Variants in EVI5 observed in about 807,000 individuals in gnomAD.
EVI5 encodes the protein ecotropic viral integration site 5, also known as ecotropic viral integration site 5 protein homolog.
In EVI5, 73 loss-of-function variants were observed where a neutral mutation model predicts 112.0. The ratio of observed to expected loss-of-function variants is 0.65; its 90% CI spans 0.54 to 0.79. EVI5 has a LOEUF of 0.79. Ranked by LOEUF, EVI5 falls within the 30% of genes least tolerant of loss-of-function variation. The pLI is 0.00. For synonymous variants in EVI5, 305 were observed against 319.9 expected (o/e 0.95, Z 0.50); for missense variants, 900 against 968.8 (o/e 0.93, Z 0.94).
intron 16 of EVI5, among the ~76,000 whole-genome samples, chr1:92,616,560 T>C (rs1200411558): frequency 6.6e-6 from 1 of 152,110 alleles, no homozygotes; most frequent in Non-Finnish European, 1.5e-5. Flanking sequence ...TCATTCCTAC[T>C]TAATTTATAC....
intron 18 of EVI5, among the ~76,000 whole-genome samples, chr1:92,599,958 GAC>G (rs1319746434): frequency 6.6e-6 from 1 of 152,152 alleles, no homozygotes; most frequent in Non-Finnish European, 1.5e-5. Flanking sequence ...GTTTTAGAGA[GAC>G]AGCTTTTTTA....
At chr1:92,600,597 T>G (rs1648949449) in intron 18 of EVI5, among the ~76,000 whole-genome samples, 1 of 152,130 alleles carries the variant, frequency 6.6e-6, no homozygotes, top group African/African-American at 2.4e-5. Flanking sequence ...GGAGAATGGT[T>G]TCAGGATGAA....
Position 92,524,084 on chromosome 1 carries a change from A to G in EVI5, c.2167-10114T>C, listed in dbSNP as rs577887853. ...TGCACTCCAGCCTGGGTGACAGAGC[A>G]AGACTCCATCTAAAAAAAAATAAAA... On this transcript the variant is annotated intron_variant, in intron 19 of 19. Coordinates refer to ENST00000684568, the MANE Select transcript of EVI5 (RefSeq NM_001350197.2). 1.8e-4 allele frequency among the ~76,000 whole-genome samples: 27 copies of G among 150,814 alleles called. 1 individual carries two copies. In the South Asian group the frequency reaches 5.7e-3, roughly 32 times the overall value.
intron 10 of EVI5, among the ~76,000 whole-genome samples, chr1:92,666,528 G>C (rs545371350): frequency 7.1e-6 from 1 of 140,184 alleles, no homozygotes. Context: ...AAGTTGTAGT[G>C]AGCCGAGATT....
intron 18 of EVI5, among the ~76,000 whole-genome samples, chr1:92,572,966 T>G (rs1024592395): frequency 2.0e-5 from 3 of 152,102 alleles, no homozygotes; most frequent in African/African-American, 7.2e-5. Flanking sequence ...CTGAAGCATA[T>G]TCTACTTCTA....
At chr1:92,694,240 G>A (rs186158020) in intron 8 of EVI5, 59 bp downstream of exon 8, 6 of 1,026,302 alleles carry the variant, frequency 5.8e-6, no homozygotes, top group African/African-American at 3.3e-5. Flanking sequence ...ACTCCAGCCT[G>A]GGCAACAGAA....
intron 18 of EVI5, among the ~76,000 whole-genome samples, chr1:92,589,239 A>T (rs779368046): frequency 6.6e-6 from 1 of 152,198 alleles, no homozygotes; most frequent in Non-Finnish European, 1.5e-5. Context: ...TACTGCGTTC[A>T]TCTCACTGGG....
At chr1:92,720,357 T>A (rs956471652) in intron 2 of EVI5, among the ~76,000 whole-genome samples, 4 of 151,872 alleles carry the variant, frequency 2.6e-5, no homozygotes, top group African/African-American at 9.7e-5. Context: ...AACAGAGGCC[T>A]CAGAAATAAC....
At chr1:92,641,264 G>T (rs1362365613) in intron 13 of EVI5, among the ~76,000 whole-genome samples, 1 of 152,132 alleles carries the variant, frequency 6.6e-6, no homozygotes, top group Non-Finnish European at 1.5e-5. Context: ...AGCAAATGCT[G>T]GAGACAGTTT....
chr1:92,756,621 G>A, intron 1 of EVI5: 1 of 504,880 alleles, frequency 2.0e-6, no homozygotes, highest in Non-Finnish European at 4.1e-6. Flanking sequence ...AACTAAGTGT[G>A]TTCTAGACAG....
At chr1:92,694,038 G>T in intron 8 of EVI5, 139 bp from the exon 9 acceptor site, 1 of 665,838 alleles carries the variant, frequency 1.5e-6, no homozygotes, top group South Asian at 1.8e-5. Context: ...AAGGCAGGCG[G>T]ATCACTTCAG....
chr1:92,657,226 A>T (rs943980837), intron 13 of EVI5, among the ~76,000 whole-genome samples: 1 of 152,236 alleles, frequency 6.6e-6, no homozygotes, highest in African/African-American at 2.4e-5. Context: ...GGTTCAACAT[A>T]AATAAATCAA....
chr1:92,580,868 A>G (rs556002873), intron 18 of EVI5: 1 of 152,508 alleles, frequency 6.6e-6, no homozygotes, highest in Admixed American at 6.5e-5. Context: ...TCAAAGGGCT[A>G]TCTTATCTTT....
intron 9 of EVI5, among the ~76,000 whole-genome samples, chr1:92,684,882 C>T (rs1025133485): frequency 6.6e-6 from 1 of 152,086 alleles, no homozygotes; most frequent in Non-Finnish European, 1.5e-5. Flanking sequence ...GCACCCAATA[C>T]AAGAGCACCC....
Position 92,606,916 on chromosome 1 carries a change from ACACACACC to A in EVI5, c.1974+657_1974+664del, listed in dbSNP as rs1354891523. ...CACACACACACACACACACACACACACACACACCCCCCCAAACCCTCCCTCCTCTCCTT... is the reference window on the plus strand; with the variant it reads ...CACACACACACACACACACACACACACCCCCAAACCCTCCCTCCTCTCCTT... On this transcript the variant is annotated intron_variant, in intron 17 of 19. Coordinates refer to ENST00000684568, the MANE Select transcript of EVI5 (RefSeq NM_001350197.2). Among the ~76,000 whole-genome samples the A allele has an allele frequency of 2.0e-4, 20 of 101,430 alleles. 1 individual carries two copies. Among genetic ancestry groups the A allele is most frequent in the Admixed American group, 6.5e-4 (6 of 9,250 alleles). The allele number at this position is 101,430 out of a possible 152,430, so 66.5% of individuals were successfully genotyped here. A position where few individuals can be genotyped will look rare whatever the true frequency, so the allele number is the denominator to read the frequency against.
intron 2 of EVI5, among the ~76,000 whole-genome samples, chr1:92,725,553 T>C (rs1300139986): frequency 6.6e-6 from 1 of 151,900 alleles, no homozygotes; most frequent in Admixed American, 6.6e-5. Context: ...TGAAACCCCA[T>C]CTCTACAAAA....
At chr1:92,567,257 T>A (rs533703034) in intron 18 of EVI5, among the ~76,000 whole-genome samples, 3 of 152,244 alleles carry the variant, frequency 2.0e-5, no homozygotes, top group Admixed American at 6.5e-5. Flanking sequence ...TTAAAAAAAA[T>A]TAAGTTTATA....
intron 1 of EVI5, among the ~76,000 whole-genome samples, chr1:92,738,797 T>C (rs543662607): frequency 6.6e-6 from 1 of 152,306 alleles, no homozygotes; most frequent in Admixed American, 6.5e-5. Flanking sequence ...TCATATATCA[T>C]CAGGTACTAT....
intron 19 of EVI5, among the ~76,000 whole-genome samples, chr1:92,528,421 G>C (rs1363110615): frequency 6.6e-6 from 1 of 152,100 alleles, no homozygotes; most frequent in Non-Finnish European, 1.5e-5. Context: ...GTCCTGGCTT[G>C]AACAATTATA....
Sources: gnomAD v4.1 joint callset for allele counts (sites outside exome capture counted in the v4.1 genomes callset) on GRCh38, gnomAD v4.1.1 for gene constraint, MANE v1.5 for transcripts, NCBI Gene and HGNC (gene_info 2026-07-23, HGNC 2026-07-21) for gene names.